The following VAV1 variants were observed in gnomAD, a reference collection of about 807,000 sequenced individuals.
The protein encoded by VAV1 is proto-oncogene vav.
Under a neutral mutation model 128.1 loss-of-function variants are expected in VAV1, and 33 were observed. That is an observed-to-expected ratio of 0.26 (90% CI 0.20 to 0.34). VAV1 has a LOEUF of 0.34. Ranked by LOEUF, VAV1 falls within the 10% of genes least tolerant of loss-of-function variation. The pLI, the probability that VAV1 is intolerant of heterozygous loss-of-function variation, is 1.00. For synonymous variants in VAV1, 394 were observed against 409.8 expected (o/e 0.96, Z 0.47); for missense variants, 715 against 1,093.7 (o/e 0.65, Z 4.88).
intron 1 of VAV1, among the ~76,000 whole-genome samples, chr19:6,781,306 C>T (rs1238219984): frequency 1.3e-5 from 2 of 152,120 alleles, no homozygotes; most frequent in South Asian, 2.1e-4. Flanking sequence ...AATTGTTATC[C>T]GTCTGGGATT....
chr19:6,831,555 G>A (rs1397731797), intron 14 of VAV1, among the ~76,000 whole-genome samples: 6 of 152,028 alleles, frequency 3.9e-5, no homozygotes, highest in Admixed American at 2.0e-4. Flanking sequence ...CTCGTGATCC[G>A]CCCACCTCAG....
At chr19:6,814,931 T>C (rs2144756980) in intron 1 of VAV1, among the ~76,000 whole-genome samples, 1 of 151,964 alleles carries the variant, frequency 6.6e-6, no homozygotes, top group African/African-American at 2.4e-5. Context: ...CTTCCATTTT[T>C]ACTTTGCCAA....
chr19:6,856,994 T>C, intron 26 of VAV1, 60 bp from the exon 27 acceptor site: 4 of 1,526,528 alleles, frequency 2.6e-6, no homozygotes, highest in Non-Finnish European at 3.6e-6. Context: ...GCCTGGTGTG[T>C]GGAGGGGCAG....
intron 1 of VAV1, among the ~76,000 whole-genome samples, chr19:6,808,728 A>T (rs1463017277): frequency 6.6e-6 from 1 of 152,232 alleles, no homozygotes. Context: ...ACAGTCCCCT[A>T]AAATGGAATG....
intron 1 of VAV1, among the ~76,000 whole-genome samples, chr19:6,810,566 G>T (rs371795670): frequency 6.6e-6 from 1 of 152,154 alleles, no homozygotes; most frequent in East Asian, 1.9e-4. Context: ...TTAGCCAGGC[G>T]TGGTGGCGGG....
chr19:6,793,261 G>A (rs1036962276), intron 1 of VAV1, among the ~76,000 whole-genome samples: 1 of 152,046 alleles, frequency 6.6e-6, no homozygotes, highest in African/African-American at 2.4e-5. Flanking sequence ...GCGAACCTGG[G>A]AGGCGGAGCT....
intron 1 of VAV1, among the ~76,000 whole-genome samples, chr19:6,817,101 T>G (rs1045106588): frequency 2.6e-5 from 4 of 151,702 alleles, no homozygotes; most frequent in Admixed American, 6.6e-5. Context: ...CAGGCTGGAG[T>G]GCAGTGGGGA....
chr19:6,853,109 C>G lies in VAV1; in HGVS notation c.2332+30C>G, dbSNP rs781106706. ...GAGGTCTCAGACTGGGGGCTTACAG[C>G]CTCAGCCCCTTCCCATTGTGGAGGG... On this transcript the variant is annotated intron_variant, in intron 25 of 26. Transcript: ENST00000602142. 5 of 1,597,486 alleles carry G rather than the reference C, an allele frequency of 3.1e-6. No individual in the cohort carries two copies. The South Asian group carries it at 5.5e-5, about 18-fold the overall frequency.
chr19:6,838,295 TTATCTATCTATCTATCTATC>T lies in VAV1; in HGVS notation c.1980+1265_1980+1284del, dbSNP rs57869416. Among the ~76,000 whole-genome samples, 391 of 145,682 alleles carry T rather than the reference TTATCTATCTATCTATCTATC, an allele frequency of 2.7e-3. 3 individuals carry two copies. Among genetic ancestry groups the T allele is most frequent in the African/African-American group, 9.4e-3 (367 of 38,836 alleles). On this transcript the variant is annotated intron_variant, in intron 21 of 26. Transcript: ENST00000602142. Reference sequence around the variant, plus strand: ...TATCCATCTATTCGTCATCTACATATTATCTATCTATCTATCTATCTATCTATCTATCTATCTATATGTCT... The same window carrying T: ...TATCCATCTATTCGTCATCTACATATTATCTATCTATCTATCTATATGTCT...
At chr19:6,787,350 A>G (rs1037128595) in intron 1 of VAV1, among the ~76,000 whole-genome samples, 3 of 151,972 alleles carry the variant, frequency 2.0e-5, no homozygotes, top group East Asian at 1.9e-4. Flanking sequence ...TAATTTTTGT[A>G]TTTTTAGTAG....
At chr19:6,793,151 G>A (rs944410388) in intron 1 of VAV1, among the ~76,000 whole-genome samples, 9 of 152,082 alleles carry the variant, frequency 5.9e-5, no homozygotes, top group Non-Finnish European at 8.8e-5. Flanking sequence ...TGGCTAACAC[G>A]GTGAAACCTC....
chr19:6,839,585 T>C (rs958227483), intron 21 of VAV1, among the ~76,000 whole-genome samples: 4 of 151,836 alleles, frequency 2.6e-5, no homozygotes, highest in East Asian at 2.0e-4. Context: ...GCATTTTCTT[T>C]TGGAGTGATA....
chr19:6,856,607 C>T (rs1972809379), intron 26 of VAV1, among the ~76,000 whole-genome samples: 1 of 151,330 alleles, frequency 6.6e-6, no homozygotes. Flanking sequence ...GCCTGTAATC[C>T]CAGCTACTCG....
chr19:6,850,739 G>T lies in VAV1; in HGVS notation c.2199G>T (p.Lys733Asn). The change falls in exon 24 of 27, where the codon AAG becomes AAT. Residue 733 changes from lysine to asparagine, a missense_variant. Physicochemically the swap from Lys to Asn is moderately conservative, Grantham distance 94 (BLOSUM62 0). This residue lies in a region of VAV1 where 407 missense variants were observed against 580.6 expected (regional missense o/e 0.70). Coordinates refer to ENST00000602142, the MANE Select transcript of VAV1 (RefSeq NM_005428.4). ...GACTGTACCGGATCACAGAGAAAAAGGCTTTCCGGGGGCTTACGGTAAGGG... is the reference window on the plus strand; with the variant it reads ...GACTGTACCGGATCACAGAGAAAAATGCTTTCCGGGGGCTTACGGTAAGGG... ...AEGLYRITEK[K>N]AFRGLTELVE... is the part of the protein sequence containing the mutation. The T allele has an allele frequency of 6.2e-7, 1 of 1,613,942 alleles. No homozygotes were observed. Among genetic ancestry groups the T allele is most frequent in the Non-Finnish European group, 8.5e-7 (1 of 1,179,970 alleles).
intron 13 of VAV1, among the ~76,000 whole-genome samples, chr19:6,829,551 C>G (rs1250967940): frequency 6.6e-6 from 1 of 152,150 alleles, no homozygotes; most frequent in South Asian, 2.1e-4. Flanking sequence ...GGCGGTGGAG[C>G]CTTGATGGAC....
intron 1 of VAV1, among the ~76,000 whole-genome samples, chr19:6,805,063 G>A (rs1174559386): frequency 6.6e-6 from 1 of 151,904 alleles, no homozygotes; most frequent in Non-Finnish European, 1.5e-5. Flanking sequence ...GTAGAGTAAG[G>A]GGCAGTTTAT....
chr19:6,856,144 A>G (rs891441181), intron 26 of VAV1, among the ~76,000 whole-genome samples: 1 of 152,156 alleles, frequency 6.6e-6, no homozygotes, highest in African/African-American at 2.4e-5. Flanking sequence ...AAGATACAAA[A>G]AAATTAGCTG....
In VAV1 at chr19:6,850,626, G is replaced by T. The variant is rs1972647043; in HGVS notation, c.2130-44G>T. 3 of 1,594,850 alleles carry T rather than the reference G, an allele frequency of 1.9e-6. No individual in the cohort carries two copies. In the South Asian group the frequency reaches 3.3e-5, roughly 18 times the overall value. The stretch of plus-strand genomic sequence containing the variant: ...CATAACTGGGGCTTGGTGGGGAATG[G>T]GCCTGGTCCCCAGACTCAGGGCCCG... On this transcript the variant is annotated intron_variant, in intron 23 of 26. Transcript: ENST00000602142.
chr19:6,855,270 G>C (rs1972762798), intron 26 of VAV1, among the ~76,000 whole-genome samples: 1 of 152,170 alleles, frequency 6.6e-6, no homozygotes, highest in Non-Finnish European at 1.5e-5. Flanking sequence ...GCATCGATGA[G>C]GAGTTTTGTT....
Sources: gnomAD v4.1 joint callset for allele counts (sites outside exome capture counted in the v4.1 genomes callset) on GRCh38, gnomAD v4.1.1 for gene constraint, gnomAD v4.1.1 regional missense constraint, MANE v1.5 for transcripts, NCBI Gene and HGNC (gene_info 2026-07-23, HGNC 2026-07-21) for gene names.